PPARGC1A: variants seen among roughly 807,000 people sequenced by gnomAD.
PPARGC1A encodes the protein PPARG coactivator 1 alpha.
A neutral mutation model predicts 88.7 loss-of-function variants in PPARGC1A; 25 were observed. That is an observed-to-expected ratio of 0.28 (90% CI 0.21 to 0.39). PPARGC1A has a LOEUF of 0.39. PPARGC1A is among the 10% of genes least tolerant of loss of function. The pLI, the probability that PPARGC1A is intolerant of heterozygous loss-of-function variation, is 1.00. For synonymous variants in PPARGC1A, 363 were observed against 355.6 expected (o/e 1.02, Z -0.24); for missense variants, 880 against 968.7 (o/e 0.91, Z 1.22).
intron 2 of PPARGC1A, chr4:23,882,737 G>T (rs1329482031): frequency 1.3e-5 from 2 of 152,038 alleles, no homozygotes; most frequent in Admixed American, 6.6e-5. Flanking sequence ...AGACAAAAAG[G>T]GTGGCATGGC....
chr4:23,875,435 T>A (rs886703635), intron 2 of PPARGC1A, among the ~76,000 whole-genome samples: 1 of 152,112 alleles, frequency 6.6e-6, no homozygotes, highest in Non-Finnish European at 1.5e-5. Context: ...TATCCAAACC[T>A]GTATCTCTTT....
the PPARGC1A span, among the ~76,000 whole-genome samples, chr4:23,984,224 C>T: frequency 6.6e-6 from 1 of 152,066 alleles, no homozygotes; most frequent in Non-Finnish European, 1.5e-5. Context: ...AGGTCACTTC[C>T]TCAGGGAATC....
upstream of PPARGC1A, among the ~76,000 whole-genome samples, chr4:23,890,793 A>G (rs1204802302): frequency 6.6e-6 from 1 of 152,012 alleles, no homozygotes; most frequent in Non-Finnish European, 1.5e-5. Flanking sequence ...CCATCCTTTC[A>G]GCTTCCTTCT....
At chr4:24,199,329 C>T in the PPARGC1A span, among the ~76,000 whole-genome samples, 3 of 152,120 alleles carry the variant, frequency 2.0e-5, no homozygotes, top group Non-Finnish European at 2.9e-5. Context: ...ACATGTCATA[C>T]CTGTCCTGGA....
the PPARGC1A span, among the ~76,000 whole-genome samples, chr4:24,084,238 C>T: frequency 6.6e-6 from 1 of 152,210 alleles, no homozygotes; most frequent in Non-Finnish European, 1.5e-5. Flanking sequence ...TTAGTCCTGG[C>T]TAGACCCTCC....
the PPARGC1A span, among the ~76,000 whole-genome samples, chr4:24,224,242 CA>C: frequency 1.3e-5 from 2 of 151,960 alleles, no homozygotes; most frequent in African/African-American, 4.8e-5. Flanking sequence ...CACATTGGAC[CA>C]AAAGAGAATT....
the PPARGC1A span, among the ~76,000 whole-genome samples, chr4:24,339,997 A>G: frequency 6.6e-6 from 1 of 152,162 alleles, no homozygotes; most frequent in Admixed American, 6.5e-5. Context: ...TCAGTCTCCC[A>G]AAGTGCTGAG....
chr4:24,130,508 T>C, the PPARGC1A span, among the ~76,000 whole-genome samples: 2 of 152,142 alleles, frequency 1.3e-5, no homozygotes, highest in African/African-American at 2.4e-5. Context: ...GCACAACACA[T>C]TGAATTCCTA....
the PPARGC1A span, among the ~76,000 whole-genome samples, chr4:24,342,921 C>G: frequency 6.6e-6 from 1 of 152,160 alleles, no homozygotes; most frequent in Non-Finnish European, 1.5e-5. Flanking sequence ...GACAACACTT[C>G]CTCCAATATT....
At chr4:24,463,313 A>G in the PPARGC1A span, among the ~76,000 whole-genome samples, 1 of 152,262 alleles carries the variant, frequency 6.6e-6, no homozygotes, top group Admixed American at 6.5e-5. Context: ...AAAACTCTTC[A>G]GATTCCCACT....
Position 23,869,419 on chromosome 4 carries a change from G to A in PPARGC1A, c.234+15333C>T, listed in dbSNP as rs148062574. Among the ~76,000 whole-genome samples the A allele has an allele frequency of 1.6e-3, 245 of 152,198 alleles. 1 individual carries two copies. Among genetic ancestry groups the A allele is most frequent in the Non-Finnish European group, 3.0e-3 (205 of 68,014 alleles). ...GGGTTGTGGCCCGACCAAGGCTCTG[G>A]GTCCGTATAGAGAATCTTGAGCTGT... On this transcript the variant is annotated intron_variant, in intron 2 of 12. Transcript: ENST00000264867.
chr4:24,387,871 AGAAAG>A, the PPARGC1A span, among the ~76,000 whole-genome samples: 2,358 of 107,968 alleles, frequency 0.022, 100 homozygotes, highest in East Asian at 0.075. Flanking sequence ...AGAGAAAGGA[AGAAAG>A]AGAAAGAAAG....
rs1346259203 is a variant in PPARGC1A at position 23,792,980 on chromosome 4, A to G, written c.*2842T>C. On this transcript the variant is annotated 3_prime_UTR_variant, in exon 13 of 13. Transcript: ENST00000264867. ...AATTAATCCTCAATATGATATCTGT[A>G]GTGCTGTCTTTTGATAAGTAAGAAA... is the stretch of plus-strand genomic sequence containing the variant. 6.6e-6 allele frequency: 1 copy of G among 152,390 alleles called. No individual in the cohort carries two copies. The allele number at this position is 152,390 out of a possible 1,614,324, so 9.4% of individuals were successfully genotyped here. A position where few individuals can be genotyped will look rare whatever the true frequency, so the allele number is the denominator to read the frequency against.
intron 2 of PPARGC1A, among the ~76,000 whole-genome samples, chr4:23,869,507 C>T (rs1712806487): frequency 1.3e-5 from 2 of 152,084 alleles, no homozygotes; most frequent in African/African-American, 4.8e-5. Context: ...GATACAGCTA[C>T]AGCATTCCCT....
intron 10 of PPARGC1A, among the ~76,000 whole-genome samples, chr4:23,808,546 G>A (rs1720296312): frequency 6.6e-6 from 1 of 152,104 alleles, no homozygotes; most frequent in South Asian, 2.1e-4. Flanking sequence ...CAAGAAATTA[G>A]AGCAGTGACA....
the PPARGC1A span, among the ~76,000 whole-genome samples, chr4:24,471,516 A>G: frequency 6.6e-6 from 1 of 151,746 alleles, no homozygotes; most frequent in Non-Finnish European, 1.5e-5. The surrounding 1 kb of genome is among the most constrained non-coding windows in gnomAD (Gnocchi z 5.4). Context: ...TCCTCTCTCT[A>G]TTTCTCGCTC....
At chr4:24,380,451 C>T in the PPARGC1A span, among the ~76,000 whole-genome samples, 1 of 152,116 alleles carries the variant, frequency 6.6e-6, no homozygotes, top group Non-Finnish European at 1.5e-5. Flanking sequence ...TATGGAAGAC[C>T]TTGATTACTG....
At chr4:24,133,676 C>T in the PPARGC1A span, among the ~76,000 whole-genome samples, 8 of 152,120 alleles carry the variant, frequency 5.3e-5, no homozygotes, top group Non-Finnish European at 7.3e-5. Context: ...AACAATTTTC[C>T]TCCTTTCATT....
the PPARGC1A span, among the ~76,000 whole-genome samples, chr4:24,369,051 G>C: frequency 6.6e-6 from 1 of 152,042 alleles, no homozygotes; most frequent in African/African-American, 2.4e-5. Context: ...TTTCAGAAGG[G>C]GACTGAAGCC....
Sources: allele counts gnomAD v4.1 joint callset (sites outside exome capture counted in the v4.1 genomes callset), GRCh38; gene constraint gnomAD v4.1.1; non-coding constraint Gnocchi (gnomAD v3.1); transcripts MANE v1.5; gene names NCBI Gene and HGNC (gene_info 2026-07-23, HGNC 2026-07-21).